The following NECAB2 variants were observed in gnomAD, a reference collection of about 807,000 sequenced individuals.
The protein encoded by NECAB2 is N-terminal EF-hand calcium binding protein 2.
NECAB2 carries 68 observed loss-of-function variants against 51.9 expected under a neutral mutation model. That is an observed-to-expected ratio of 1.31 (90% CI 1.08 to 1.60). The LOEUF (loss-of-function observed/expected upper bound fraction) is 1.60, where lower values mean the gene tolerates loss of function less well. Among genes scored for constraint, NECAB2 ranks in the 40% most tolerant of loss-of-function variants. The pLI, the probability that NECAB2 is intolerant of heterozygous loss-of-function variation, is 0.00. For synonymous variants in NECAB2, 329 were observed against 203.5 expected (o/e 1.62, Z -5.25); for missense variants, 854 against 490.3 (o/e 1.74, Z -7.00).
At chr16:84,002,239 T>C (rs5012586) in intron 12 of NECAB2, 79 bp from the exon 13 acceptor site, 281,937 of 1,535,740 alleles carry the variant, frequency 0.18, 35,412 homozygotes, top group African/African-American at 0.66. Context: ...CCCCGACCTG[T>C]CATTCAAGAC....
At chr16:83,995,351 C>G (rs1178733540) in intron 8 of NECAB2, among the ~76,000 whole-genome samples, 1 of 152,018 alleles carries the variant, frequency 6.6e-6, no homozygotes. Context: ...GGGCCAGGGA[C>G]TTGTCCTCTC....
At chr16:83,985,407 G>C (rs940551823) in intron 5 of NECAB2, among the ~76,000 whole-genome samples, 6 of 147,144 alleles carry the variant, frequency 4.1e-5, no homozygotes, top group African/African-American at 7.4e-5. Flanking sequence ...GGCCGAGGCA[G>C]ATAGATCACA....
intron 6 of NECAB2, among the ~76,000 whole-genome samples, chr16:83,991,686 TCCCCC>T (rs2151095816): frequency 6.6e-6 from 1 of 151,810 alleles, no homozygotes; most frequent in East Asian, 1.9e-4. Context: ...TCTTGCTGTG[TCCCCC>T]AGGCTGGAGT....
Position 83,997,233 on chromosome 16 carries a change from G to C in NECAB2, c.813G>C (p.Leu271=), listed in dbSNP as rs750351352. 3 of 1,614,166 alleles carry C rather than the reference G, an allele frequency of 1.9e-6. No homozygotes were observed. The Admixed American group carries it at 5.0e-5, about 27-fold the overall frequency. The part of the protein sequence containing the change: ...RLESKALWFD[L]QQRLSDEDGT... ...TGTTTCAGGCACTGTGGTTCGACCT[G>C]CAGCAGCGCCTGTCAGATGAAGATG... Residue 271 remains leucine, a synonymous_variant, in exon 9 of 13, where the codon CTG becomes CTC. Coordinates refer to ENST00000305202, the MANE Select transcript of NECAB2 (RefSeq NM_019065.3).
intron 6 of NECAB2, among the ~76,000 whole-genome samples, chr16:83,993,250 G>A (rs145464585): frequency 1.9e-4 from 29 of 152,280 alleles, no homozygotes; most frequent in Admixed American, 5.9e-4. Flanking sequence ...TGAGCAACCC[G>A]TCATGGTCTG....
chr16:83,990,599 G>A lies in NECAB2; in HGVS notation c.565G>A (p.Glu189Lys). 1 of 1,614,124 alleles carries A rather than the reference G, an allele frequency of 6.2e-7. No homozygotes were observed. The highest frequency in any genetic ancestry group is 8.5e-7 in the Non-Finnish European group (1 of 1,180,034). The change falls in exon 6 of 13, where the codon GAG becomes AAG. Residue 189 changes from glutamate to lysine, a missense_variant. Glu to Lys is a moderately conservative substitution (Grantham distance 56). Coordinates refer to ENST00000305202, the MANE Select transcript of NECAB2 (RefSeq NM_019065.3). ...SLLSSVESAVEAIEEQTSQLR... is the reference protein window; with the variant it reads ...SLLSSVESAVKAIEEQTSQLR... ...GCTGAGCTCAGTGGAGAGTGCGGTG[G>A]AGGCCATCGAGGAACAGACCAGCCA... is the stretch of plus-strand genomic sequence containing the variant.
chr16:83,996,606 C>A (rs903410905), intron 8 of NECAB2, among the ~76,000 whole-genome samples: 1 of 152,126 alleles, frequency 6.6e-6, no homozygotes, highest in East Asian at 1.9e-4. Context: ...CAGGTAGACA[C>A]ACTGGGTTCA....
At chr16:84,001,171 C>A (rs182181101) in intron 11 of NECAB2, among the ~76,000 whole-genome samples, 1 of 152,144 alleles carries the variant, frequency 6.6e-6, no homozygotes, top group African/African-American at 2.4e-5. Flanking sequence ...ATTGTTCCAG[C>A]GACTAACCTC....
chr16:83,983,968 A>G (rs574201660), intron 5 of NECAB2, among the ~76,000 whole-genome samples: 1 of 147,464 alleles, frequency 6.8e-6, no homozygotes, highest in African/African-American at 2.5e-5. Flanking sequence ...TCACTTGTCC[A>G]TTGTAAAATA....
intron 2 of NECAB2, among the ~76,000 whole-genome samples, chr16:83,975,648 G>C (rs1453065520): frequency 6.6e-6 from 1 of 152,144 alleles, no homozygotes; most frequent in Non-Finnish European, 1.5e-5. Flanking sequence ...GGGAAGGTTA[G>C]CATGAGGGGC....
chr16:83,993,620 CTGTGTGTGTG>C (rs57610964), intron 6 of NECAB2: 2,493 of 135,414 alleles, frequency 0.018, 53 homozygotes, highest in African/African-American at 0.057. Context: ...GCAAGGTGAG[CTGTGTGTGTG>C]TGTGTGTGTG....
chr16:84,000,072 T>TA (rs1231181722), intron 10 of NECAB2, among the ~76,000 whole-genome samples: 1 of 123,916 alleles, frequency 8.1e-6, no homozygotes, highest in Non-Finnish European at 1.5e-5. Flanking sequence ...TTTTTTTTTT[T>TA]AAAGAGACAG....
chr16:83,991,969 T>C (rs1227773016), intron 6 of NECAB2, among the ~76,000 whole-genome samples: 1 of 152,126 alleles, frequency 6.6e-6, no homozygotes, highest in African/African-American at 2.4e-5. Flanking sequence ...TTTTGAAAAT[T>C]AGAAAGCAGT....
In NECAB2 at chr16:83,979,518, A is replaced by G. The variant is rs535040966; in HGVS notation, c.335+966A>G. Reference sequence around the variant, plus strand: ...CTCTGGGAAAGGCCACTTTAAAGAAATGGCTTCAGGCTCCAGACTGCAGAA... The same window carrying G: ...CTCTGGGAAAGGCCACTTTAAAGAAGTGGCTTCAGGCTCCAGACTGCAGAA... On this transcript the variant is annotated intron_variant, in intron 3 of 12. Transcript: ENST00000305202. Among the ~76,000 whole-genome samples, 7 of 152,272 alleles carry G rather than the reference A, an allele frequency of 4.6e-5. No homozygotes were observed. The South Asian group carries it at 1.5e-3, about 32-fold the overall frequency.
Position 83,981,035 on chromosome 16 carries a change from T to A in NECAB2, c.367T>A (p.Phe123Ile), listed in dbSNP as rs776978262. Residue 123 changes from phenylalanine (F) to isoleucine (I), a missense_variant, in exon 5 of 13, where the codon TTT becomes ATT. By Grantham distance (21) the Phe-to-Ile change is conservative. Coordinates refer to ENST00000305202, the MANE Select transcript of NECAB2 (RefSeq NM_019065.3). ...HVDTKELCDYFVDHMGDYEDV... is the reference protein window; with the variant it reads ...HVDTKELCDYIVDHMGDYEDV... The stretch of plus-strand genomic sequence containing the variant: ...CTTTGCCTTTCCTTCCCCAGATTAC[T>A]TTGTGGACCACATGGGTGACTATGA... 2.5e-6 allele frequency: 4 copies of A among 1,613,976 alleles called. No individual in the cohort carries two copies. The African/African-American group carries it at 5.3e-5, about 22-fold the overall frequency.
At chr16:83,997,412 C>T (rs2084724715) in intron 9 of NECAB2, 143 bp downstream of exon 9, 3 of 1,028,790 alleles carry the variant, frequency 2.9e-6, no homozygotes, top group South Asian at 1.5e-5. Context: ...CGCTTGGCAC[C>T]CAGACCCTGC....
At chr16:83,991,168 A>C (rs1276693395) in intron 6 of NECAB2, among the ~76,000 whole-genome samples, 1 of 151,682 alleles carries the variant, frequency 6.6e-6, no homozygotes, top group African/African-American at 2.4e-5. Flanking sequence ...TTTTTAGTAG[A>C]GACGGGGTTT....
intron 8 of NECAB2, among the ~76,000 whole-genome samples, 168 bp from the exon 9 acceptor site, chr16:83,997,048 G>T (rs563827043): frequency 6.7e-6 from 1 of 150,364 alleles, no homozygotes; most frequent in South Asian, 2.1e-4. Flanking sequence ...TAGGCCCCCT[G>T]TAGGCCAGAG....
chr16:83,999,528 A>G (rs1032464633), intron 10 of NECAB2, among the ~76,000 whole-genome samples: 22 of 152,132 alleles, frequency 1.4e-4, no homozygotes, highest in African/African-American at 4.8e-4. Flanking sequence ...CCACCCCAAG[A>G]TGGAATCCAG....
Sources: allele counts gnomAD v4.1 joint callset (sites outside exome capture counted in the v4.1 genomes callset), GRCh38; gene constraint gnomAD v4.1.1; transcripts MANE v1.5; gene names NCBI Gene and HGNC (gene_info 2026-07-23, HGNC 2026-07-21).